COL19A1: variants seen among roughly 807,000 people sequenced by gnomAD.
COL19A1 encodes the protein collagen alpha-1(XIX) chain.
COL19A1 carries 159 observed loss-of-function variants against 190.2 expected under a neutral mutation model. The observed-to-expected ratio is 0.84, with a 90% CI of 0.73 to 0.95. The LOEUF is 0.95. Among genes scored for constraint, COL19A1 ranks in the 40% least tolerant of loss-of-function variants. The pLI is 0.00. For missense variants in COL19A1, 1,418 were observed against 1,431.9 expected, an observed-to-expected ratio of 0.99 and a Z score of 0.16; for synonymous variants, 509 against 458.9, an observed-to-expected ratio of 1.11 and a Z score of -1.39.
In COL19A1 at chr6:69,892,143, C is replaced by T. The variant is rs6934180; in HGVS notation, c.92-6805C>T. Among the ~76,000 whole-genome samples, 1,271 of 152,312 alleles carry T rather than the reference C, an allele frequency of 8.3e-3. 20 individuals carry two copies. Among genetic ancestry groups the T allele is most frequent in the African/African-American group, 0.026 (1,097 of 41,560 alleles). On this transcript the variant is annotated intron_variant, in intron 2 of 50. Transcript: ENST00000620364. ...CTTGGCTTTGGTTAGCTTTCTTGGT[C>T]TTACTTTCCCAAAAAGGAAACCTCC... is the stretch of plus-strand genomic sequence containing the variant.
chr6:70,036,446 T>C (rs1468480656), intron 14 of COL19A1, among the ~76,000 whole-genome samples: 1 of 152,234 alleles, frequency 6.6e-6, no homozygotes, highest in Non-Finnish European at 1.5e-5. Flanking sequence ...AAAATTGCAA[T>C]ATTTTAGTGA....
In COL19A1 at chr6:70,168,205, C is replaced by T; in HGVS notation, c.2531C>T (p.Pro844Leu). 1 of 1,613,104 alleles carries T rather than the reference C, an allele frequency of 6.2e-7. No individual in the cohort carries two copies. Residue 844 changes from proline (P) to leucine (L), a missense_variant, in exon 39 of 51, where the codon CCC (proline) becomes CTC (leucine). Pro to Leu is a moderately conservative substitution (Grantham distance 98). Transcript: ENST00000620364. ...AATGTTCCCAGTTACCCAGGGCCAC[C>T]CGGTCCTCCTGTAAGTACAGTTGTT... ...GVNVPSYPGP[P>L]GPPGPKGDPG...
chr6:70,119,965 C>T (rs1371852847), intron 16 of COL19A1, among the ~76,000 whole-genome samples: 2 of 152,144 alleles, frequency 1.3e-5, no homozygotes, highest in African/African-American at 4.8e-5. Context: ...GTGGCACATG[C>T]CTGTAGTCCC....
intron 9 of COL19A1, among the ~76,000 whole-genome samples, chr6:69,943,757 G>A (rs1197574294): frequency 6.6e-6 from 1 of 152,116 alleles, no homozygotes; most frequent in African/African-American, 2.4e-5. Context: ...ATTGGTCTGT[G>A]TGACTGTTGA....
In COL19A1 at chr6:70,163,401, A is replaced by G; in HGVS notation, c.2400+5A>G. On this transcript the variant is annotated splice_donor_5th_base_variant and intron_variant, in intron 36 of 50. Coordinates refer to ENST00000620364, the MANE Select transcript of COL19A1 (RefSeq NM_001858.6). ...ACAGGAGCAAAAGGTGAAAAGGTACAAAGGAAAAGCCTCACTTACCATCCA... is the reference window on the plus strand; with the variant it reads ...ACAGGAGCAAAAGGTGAAAAGGTACGAAGGAAAAGCCTCACTTACCATCCA... The G allele has an allele frequency of 6.2e-7, 1 of 1,610,524 alleles. No homozygotes were observed. The highest frequency in any genetic ancestry group is 1.1e-5 in the South Asian group (1 of 90,620).
At chr6:69,962,169 G>T (rs1413329125) in intron 10 of COL19A1, among the ~76,000 whole-genome samples, 1 of 152,178 alleles carries the variant, frequency 6.6e-6, no homozygotes, top group African/African-American at 2.4e-5. Flanking sequence ...AGTTAAGGGG[G>T]GAGATAAGCT....
At position 70,143,297 on chromosome 6, in the gene COL19A1, C is replaced by T. The variant is rs545199334; in HGVS notation, c.1626+477C>T. On this transcript the variant is annotated intron_variant, in intron 23 of 50. Transcript: ENST00000620364. Reference sequence around the variant, plus strand: ...GCTAAAAGTATGTCTGGAGGAAGATCGACAGATTGCATTATAACCTAGCTT... The same window carrying T: ...GCTAAAAGTATGTCTGGAGGAAGATTGACAGATTGCATTATAACCTAGCTT... 4.6e-5 allele frequency among the ~76,000 whole-genome samples: 7 copies of T among 152,236 alleles called. No homozygotes were observed. The East Asian group carries it at 1.4e-3, about 29-fold the overall frequency.
At chr6:69,920,081 C>G (rs1046762518) in intron 4 of COL19A1, among the ~76,000 whole-genome samples, 1 of 151,954 alleles carries the variant, frequency 6.6e-6, no homozygotes, top group African/African-American at 2.4e-5. Flanking sequence ...TGATCATCAG[C>G]ACAATTCATG....
At chr6:70,030,593 T>A (rs578243384) in intron 12 of COL19A1, among the ~76,000 whole-genome samples, 1 of 152,352 alleles carries the variant, frequency 6.6e-6, no homozygotes, top group African/African-American at 2.4e-5. Flanking sequence ...AGACGTTCAA[T>A]AATATTTGTT....
intron 41 of COL19A1, among the ~76,000 whole-genome samples, chr6:70,176,010 T>G (rs1437346926): frequency 1.3e-5 from 2 of 152,168 alleles, no homozygotes; most frequent in Non-Finnish European, 2.9e-5. Flanking sequence ...AGGAGTTGAG[T>G]CACTCTGTTG....
intron 14 of COL19A1, among the ~76,000 whole-genome samples, chr6:70,063,697 G>GT (rs949610682): frequency 2.2e-4 from 33 of 152,108 alleles, no homozygotes; most frequent in Non-Finnish European, 1.6e-4. Flanking sequence ...CCAGGAGCTG[G>GT]TTTTTTGAAA....
chr6:70,097,656 T>G (rs79267574), intron 15 of COL19A1, among the ~76,000 whole-genome samples: 2,294 of 152,252 alleles, frequency 0.015, 60 homozygotes, highest in African/African-American at 0.053. Context: ...TCTAATAATC[T>G]CCACACTGTT....
chr6:70,113,654 A>C (rs1051439634), intron 16 of COL19A1, among the ~76,000 whole-genome samples: 34 of 152,074 alleles, frequency 2.2e-4, no homozygotes, highest in African/African-American at 7.5e-4. Flanking sequence ...ATGCTGGTTG[A>C]GATTGTTAAC....
At chr6:70,058,163 A>G (rs1438936324) in intron 14 of COL19A1, among the ~76,000 whole-genome samples, 1 of 152,074 alleles carries the variant, frequency 6.6e-6, no homozygotes, top group African/African-American at 2.4e-5. Flanking sequence ...TATAATAAAA[A>G]GATAAGTTTT....
At chr6:69,872,276 T>TC (rs1767889443) in intron 1 of COL19A1, among the ~76,000 whole-genome samples, 1 of 152,178 alleles carries the variant, frequency 6.6e-6, no homozygotes, top group African/African-American at 2.4e-5. Flanking sequence ...CACTGATTTA[T>TC]CCCCAGTGAT....
At chr6:70,125,530 A>C (rs1003748960) in intron 17 of COL19A1, among the ~76,000 whole-genome samples, 25 of 152,116 alleles carry the variant, frequency 1.6e-4, no homozygotes, top group African/African-American at 6.0e-4. Flanking sequence ...GGAGAAGCTC[A>C]GGTATGAGAA....
chr6:69,882,178 A>C (rs1768607171), intron 2 of COL19A1, among the ~76,000 whole-genome samples: 1 of 152,232 alleles, frequency 6.6e-6, no homozygotes, highest in Non-Finnish European at 1.5e-5. Context: ...GGTATGTTAA[A>C]TAGTTACCTG....
At chr6:70,061,352 T>C (rs944861678) in intron 14 of COL19A1, among the ~76,000 whole-genome samples, 1 of 152,022 alleles carries the variant, frequency 6.6e-6, no homozygotes, top group Admixed American at 6.6e-5. Context: ...GAATGATTCA[T>C]CAAGGATTAA....
At chr6:70,172,789 C>A (rs1765575190) in intron 41 of COL19A1, among the ~76,000 whole-genome samples, 1 of 152,174 alleles carries the variant, frequency 6.6e-6, no homozygotes, top group Non-Finnish European at 1.5e-5. Context: ...ATCTTTCAAT[C>A]TTTGTAAAAT....
Sources: allele counts gnomAD v4.1 joint callset (sites outside exome capture counted in the v4.1 genomes callset), GRCh38; gene constraint gnomAD v4.1.1; transcripts MANE v1.5; gene names NCBI Gene and HGNC (gene_info 2026-07-23, HGNC 2026-07-21).